DLL1: variants seen among roughly 807,000 people sequenced by gnomAD.
The protein encoded by DLL1 is delta-like protein 1.
In DLL1, 9 loss-of-function variants were observed where a neutral mutation model predicts 75.1. The observed-to-expected ratio is 0.12, with a 90% CI of 0.07 to 0.21. DLL1 has a LOEUF of 0.21. DLL1 is among the 10% of genes least tolerant of loss of function. The pLI, the probability that DLL1 is intolerant of heterozygous loss-of-function variation, is 1.00. For synonymous variants in DLL1, 477 were observed against 418.3 expected (o/e 1.14, Z -1.71); for missense variants, 837 against 1,007.6 (o/e 0.83, Z 2.29).
rs1322905274 is a variant in DLL1 at position 170,288,221 on chromosome 6, G to A, written c.670+18C>T. On this transcript the variant is annotated intron_variant, in intron 4 of 10. Transcript: ENST00000366756. Reference sequence around the variant, plus strand: ...GTTCGTGGACGAGTGAGCCAGCGGTGCCTTCCCAGAGACTCACGCTCTGTG... The same window carrying A: ...GTTCGTGGACGAGTGAGCCAGCGGTACCTTCCCAGAGACTCACGCTCTGTG... The A allele has an allele frequency of 3.7e-6, 6 of 1,613,606 alleles. No homozygotes were observed. In the African/African-American group the frequency reaches 6.7e-5, roughly 18 times the overall value.
chr6:170,286,522 GCT>G (rs1276676895), intron 4 of DLL1, among the ~76,000 whole-genome samples: 2 of 152,130 alleles, frequency 1.3e-5, no homozygotes, highest in African/African-American at 4.8e-5. Context: ...GGACAAAAGG[GCT>G]CTCGGAAGCC....
At chr6:170,288,072 A>G in intron 4 of DLL1, 167 bp downstream of exon 4, 1 of 963,718 alleles carries the variant, frequency 1.0e-6, no homozygotes, top group Admixed American at 2.1e-5. Context: ...CAACCCCCCC[A>G]CTGACGAGCT....
At chr6:170,288,700 C>T (rs1783763135) in intron 3 of DLL1, 29 bp downstream of exon 3, 2 of 1,613,796 alleles carry the variant, frequency 1.2e-6, no homozygotes, top group African/African-American at 1.3e-5. Context: ...CTGGGGAAAG[C>T]AGTTTTGGGG....
rs748050715 is a variant in DLL1 at position 170,283,118 on chromosome 6, T to C, written c.2049-13A>G. The C allele has an allele frequency of 3.1e-6, 5 of 1,613,822 alleles. No individual in the cohort carries two copies. The South Asian group carries it at 3.3e-5, about 11-fold the overall frequency. The stretch of plus-strand genomic sequence containing the variant: ...AGATGCTTCTCCACTAAAAGGAAAA[T>C]AGAGAAAATCCACAATGAATGCATG... On this transcript the variant is annotated splice_polypyrimidine_tract_variant and intron_variant, in intron 9 of 10. Coordinates refer to ENST00000366756, the MANE Select transcript of DLL1 (RefSeq NM_005618.4).
At position 170,284,920 on chromosome 6, in the gene DLL1, A is replaced by G; in HGVS notation, c.1248T>C (p.Asn416=). Residue 416 remains asparagine, a splice_region_variant and synonymous_variant, in exon 8 of 11, where the codon AAT becomes AAC. Coordinates refer to ENST00000366756, the MANE Select transcript of DLL1 (RefSeq NM_005618.4). ...IDYCSSSPCS[N]GAKCVDLGDA... is the part of the protein sequence containing the mutation. ...AGCAATCACCAGCTGCCCCCTTACCATTAGAACAGGGTGAAGAGCTGCAGT... is the reference window on the plus strand; with the variant it reads ...AGCAATCACCAGCTGCCCCCTTACCGTTAGAACAGGGTGAAGAGCTGCAGT... 2 of 1,613,680 alleles carry G rather than the reference A, an allele frequency of 1.2e-6. No homozygotes were observed. The highest frequency in any genetic ancestry group is 1.7e-6 in the Non-Finnish European group (2 of 1,179,972).
At chr6:170,287,502 C>G (rs762607003) in intron 4 of DLL1, among the ~76,000 whole-genome samples, 1 of 152,346 alleles carries the variant, frequency 6.6e-6, no homozygotes, top group Non-Finnish European at 1.5e-5. Context: ...GAACCAGGAG[C>G]CAGCACGGCC....
rs1046371251 is a variant in DLL1 at position 170,282,508 on chromosome 6, T to TA, written c.*365dup. 7.7e-6 allele frequency: 3 copies of TA among 388,226 alleles called. No individual in the cohort carries two copies. Among genetic ancestry groups the TA allele is most frequent in the African/African-American group, 6.0e-5 (3 of 50,010 alleles). The allele number at this position is 388,226 out of a possible 1,614,324, so 24.0% of individuals were successfully genotyped here. A position where few individuals can be genotyped will look rare whatever the true frequency, so the allele number is the denominator to read the frequency against. ...CACATCTTCGTATCAAAAAGGACAA[T>TA]AAAGGCAGTGTTTGTGTTTCTAATT... On this transcript the variant is annotated 3_prime_UTR_variant, in exon 11 of 11. Coordinates refer to ENST00000366756, the MANE Select transcript of DLL1 (RefSeq NM_005618.4).
intron 8 of DLL1, 119 bp downstream of exon 8, chr6:170,284,800 G>A (rs1783658260): frequency 1.9e-6 from 2 of 1,042,054 alleles, no homozygotes; most frequent in African/African-American, 3.2e-5. Context: ...GAGAATTCCT[G>A]GCGGTCTGGA....
chr6:170,285,797 G>T, intron 5 of DLL1, 98 bp from the exon 6 acceptor site: 1 of 1,525,226 alleles, frequency 6.6e-7, no homozygotes, highest in Non-Finnish European at 9.1e-7. Flanking sequence ...GCACCAGTGA[G>T]CCTCTGGTTC....
rs777016922 is a variant in DLL1 at position 170,283,916 on chromosome 6, C to T, written c.1363G>A (p.Gly455Arg). ...DDCASSPCAN[G>R]GTCRDGVNDF... ...TTCACGCCATCCCGGCAGGTGCCCC[C>T]GTTGGCGCACGGGGAGGAGGCGCAG... The change falls in exon 9 of 11, where the codon GGG becomes AGG. Residue 455 changes from glycine (G) to arginine (R), a missense_variant. By Grantham distance (125) the Gly-to-Arg change is moderately radical. Coordinates refer to ENST00000366756, the MANE Select transcript of DLL1 (RefSeq NM_005618.4). 2.2e-5 allele frequency: 36 copies of T among 1,601,286 alleles called. No individual in the cohort carries two copies. The highest frequency in any genetic ancestry group is 2.2e-4 in the South Asian group (20 of 89,884).
At position 170,283,590 on chromosome 6, in the gene DLL1, G is replaced by T. The variant is rs149820699; in HGVS notation, c.1689C>A (p.Ala563=). The T allele has an allele frequency of 2.0e-5, 32 of 1,612,634 alleles. No homozygotes were observed. The highest frequency in any genetic ancestry group is 2.6e-5 in the Non-Finnish European group (31 of 1,179,870). Residue 563 remains alanine (A), a synonymous_variant, in exon 9 of 11, where the codon GCC becomes GCA. Coordinates refer to ENST00000366756, the MANE Select transcript of DLL1 (RefSeq NM_005618.4). ...TCAGCCGGACGCAGACCACCACAGC[G>T]GCACAGCCCAGCAGCAGCATGAGGA... is the stretch of plus-strand genomic sequence containing the variant. ...ILVLMLLLGC[A]AVVVCVRLRL... is the part of the protein sequence containing the mutation.
At chr6:170,289,166 G>T in intron 2 of DLL1, 1 of 598,088 alleles carries the variant, frequency 1.7e-6, no homozygotes, top group Non-Finnish European at 3.0e-6. Flanking sequence ...GGGTAATCGC[G>T]CCACCAACGC....
chr6:170,284,568 G>A (rs1354624768), intron 8 of DLL1, among the ~76,000 whole-genome samples: 1 of 152,166 alleles, frequency 6.6e-6, no homozygotes, highest in Non-Finnish European at 1.5e-5. Flanking sequence ...CAACTACTGT[G>A]CTGGGTGGCC....
chr6:170,286,765 C>A (rs1337529178), intron 4 of DLL1, among the ~76,000 whole-genome samples: 2 of 151,904 alleles, frequency 1.3e-5, no homozygotes, highest in Non-Finnish European at 2.9e-5. Context: ...CTCCCCCGCG[C>A]CCCCGGCCCC....
chr6:170,288,444 C>T lies in DLL1; in HGVS notation c.465G>A (p.Val155=). The part of the protein sequence containing the change: ...SRLATQRHLT[V]GEEWSQDLHS... ...GCAGGTCCTGGGACCACTCCTCGCCCACCGTCAGGTGCCTCTGGGTGGCCA... is the reference window on the plus strand; with the variant it reads ...GCAGGTCCTGGGACCACTCCTCGCCTACCGTCAGGTGCCTCTGGGTGGCCA... Residue 155 remains valine (V), a synonymous_variant, in exon 4 of 11, where the codon GTG becomes GTA. Coordinates refer to ENST00000366756, the MANE Select transcript of DLL1 (RefSeq NM_005618.4). 6.2e-7 allele frequency: 1 copy of T among 1,614,086 alleles called. No homozygotes were observed. The highest frequency in any genetic ancestry group is 8.5e-7 in the Non-Finnish European group (1 of 1,180,042).
intron 1 of DLL1, 55 bp from the exon 2 acceptor site, chr6:170,289,863 CGTGAGGCCTGGGTGGGGGGT>C: frequency 1.3e-6 from 2 of 1,524,038 alleles, no homozygotes; most frequent in Non-Finnish European, 1.8e-6. Context: ...AGCTAGGGGG[CGTGAGGCCTGGGTGGGGGGT>C]GTGCGGAGAG....
At position 170,283,549 on chromosome 6, in the gene DLL1, C is replaced by T. The variant is rs752399003; in HGVS notation, c.1730G>A (p.Arg577Gln). ...CCCCCGGCAGGGGTCGGCTGGGGGC[C>T]GGTGCTTCTGCAGCCTCAGCCGGAC... ...VCVRLRLQKH[R>Q]PPADPCRGET... Residue 577 changes from arginine (R) to glutamine (Q), a missense_variant, in exon 9 of 11, where the codon CGG (arginine) becomes CAG (glutamine). Physicochemically the swap from Arg to Gln is conservative, Grantham distance 43 (BLOSUM62 1). Transcript: ENST00000366756. 29 of 1,613,558 alleles carry T rather than the reference C, an allele frequency of 1.8e-5. No individual in the cohort carries two copies. Among genetic ancestry groups the T allele is most frequent in the East Asian group, 2.2e-5 (1 of 44,890 alleles).
chr6:170,290,718 C>T lies in DLL1; in HGVS notation c.-579G>A. ...GCGGCCCGGTGTCACTCGGCGGCGG[C>T]GGTCGTTCCGGGAGCACTCCGGGCT... is the stretch of plus-strand genomic sequence containing the variant. On this transcript the variant is annotated 5_prime_UTR_variant, in exon 1 of 11. Transcript: ENST00000366756. The surrounding 1 kb of genome is among the most constrained non-coding windows in gnomAD (Gnocchi z 4.7). 5.8e-6 allele frequency: 2 copies of T among 347,090 alleles called. No individual in the cohort carries two copies. The highest frequency in any genetic ancestry group is 3.3e-5 in the South Asian group (1 of 30,648). 21.5% of individuals were successfully genotyped at this position (347,090 alleles called of 1,614,324 possible). A position where few individuals can be genotyped will look rare whatever the true frequency, so the allele number is the denominator to read the frequency against.
In DLL1 at chr6:170,282,635, AG is replaced by A; in HGVS notation, c.*238del. On this transcript the variant is annotated 3_prime_UTR_variant, in exon 11 of 11. Transcript: ENST00000366756. ...CCATTTAAATATATATTCTCTTAAGAGCAACTGTCCATAGTGCAACGGCGAC... is the reference window on the plus strand; with the variant it reads ...CCATTTAAATATATATTCTCTTAAGACAACTGTCCATAGTGCAACGGCGAC... 1.6e-6 allele frequency: 1 copy of A among 618,874 alleles called. No individual in the cohort carries two copies. The highest frequency in any genetic ancestry group is 2.9e-6 in the Non-Finnish European group (1 of 347,982). 38.3% of individuals were successfully genotyped at this position (618,874 alleles called of 1,614,324 possible). A position where few individuals can be genotyped will look rare whatever the true frequency, so the allele number is the denominator to read the frequency against.
Sources: allele counts gnomAD v4.1 joint callset (sites outside exome capture counted in the v4.1 genomes callset), GRCh38; gene constraint gnomAD v4.1.1; non-coding constraint Gnocchi (gnomAD v3.1); transcripts MANE v1.5; gene names NCBI Gene and HGNC (gene_info 2026-07-23, HGNC 2026-07-21).